Variants in YWHAE observed in about 807,000 individuals in gnomAD.
The protein encoded by YWHAE is 14-3-3 protein epsilon.
YWHAE carries 4 observed loss-of-function variants against 30.1 expected under a neutral mutation model. The ratio of observed to expected loss-of-function variants is 0.13; its 90% confidence interval spans 0.07 to 0.30. The LOEUF (loss-of-function observed/expected upper bound fraction) is 0.30. YWHAE is among the 10% of genes least tolerant of loss of function. The probability of loss-of-function intolerance (pLI) is 1.00; values close to 1 mark genes in which losing one functional copy is unlikely to be tolerated. For synonymous variants in YWHAE, 118 were observed against 111.8 expected (o/e 1.06, Z -0.35); for missense variants, 121 against 315.9 (o/e 0.38, Z 4.68).
intron 1 of YWHAE, among the ~76,000 whole-genome samples, chr17:1,384,136 G>A (rs1415636486): frequency 2.0e-5 from 3 of 152,144 alleles, no homozygotes; most frequent in Non-Finnish European, 2.9e-5. Flanking sequence ...CCCAGGAGGC[G>A]AAAGCTGCAG....
At chr17:1,370,957 C>T (rs1001788503) in intron 1 of YWHAE, among the ~76,000 whole-genome samples, 1 of 151,958 alleles carries the variant, frequency 6.6e-6, no homozygotes, top group Admixed American at 6.6e-5. Context: ...TGAGATAGTG[C>T]CACTGCACTC....
At chr17:1,365,886 T>C (rs2072934340) in intron 1 of YWHAE, among the ~76,000 whole-genome samples, 1 of 152,028 alleles carries the variant, frequency 6.6e-6, no homozygotes, top group Non-Finnish European at 1.5e-5. Context: ...GGCAGGAGAA[T>C]CACTCGAGCT....
intron 5 of YWHAE, among the ~76,000 whole-genome samples, chr17:1,353,299 G>C (rs1016511903): frequency 1.3e-5 from 2 of 151,850 alleles, no homozygotes; most frequent in Admixed American, 1.3e-4. Context: ...CTAGCCAGGC[G>C]TGGTGGCAGG....
chr17:1,374,575 G>A (rs2073095860), intron 1 of YWHAE, among the ~76,000 whole-genome samples: 1 of 152,010 alleles, frequency 6.6e-6, no homozygotes, highest in East Asian at 1.9e-4. Context: ...TTCTAATCTG[G>A]CCACGTCCTC....
In YWHAE at chr17:1,354,974, T is replaced by TG. The variant is rs1467956362; in HGVS notation, c.579-628_579-627insC. ...ACCGCGCCCAGCCTAGTTTTTTTTTTTTTTTTTTTTTTTTTTTTTTTTTAA... is the reference window on the plus strand; with the variant it reads ...ACCGCGCCCAGCCTAGTTTTTTTTTTGTTTTTTTTTTTTTTTTTTTTTTTAA... On this transcript the variant is annotated intron_variant, in intron 4 of 5. Coordinates refer to ENST00000264335, the MANE Select transcript of YWHAE (RefSeq NM_006761.5). 2.3e-4 allele frequency among the ~76,000 whole-genome samples: 16 copies of TG among 69,802 alleles called. No individual in the cohort carries two copies. In the East Asian group the frequency reaches 2.4e-3, roughly 10 times the overall value. 45.8% of individuals were successfully genotyped at this position (69,802 alleles called of 152,430 possible).
intron 1 of YWHAE, among the ~76,000 whole-genome samples, chr17:1,371,945 TCTC>T (rs1003448337): frequency 6.6e-6 from 1 of 151,578 alleles, no homozygotes; most frequent in African/African-American, 2.4e-5. Flanking sequence ...CTGAAGCGAT[TCTC>T]CTGCCTCAAC....
At chr17:1,397,532 C>A (rs2073492847) in intron 1 of YWHAE, among the ~76,000 whole-genome samples, 2 of 152,070 alleles carry the variant, frequency 1.3e-5, no homozygotes, top group Non-Finnish European at 2.9e-5. Context: ...TTCAACACAG[C>A]AAGCAAAATA....
At chr17:1,369,701 G>A (rs1026415929) in intron 1 of YWHAE, 28 of 151,914 alleles carry the variant, frequency 1.8e-4, no homozygotes, top group African/African-American at 5.1e-4. Context: ...TTTCAGGTGC[G>A]GGCATACCTT....
intron 4 of YWHAE, among the ~76,000 whole-genome samples, chr17:1,355,152 T>C (rs1176046382): frequency 3.7e-4 from 7 of 18,690 alleles, no homozygotes; most frequent in Non-Finnish European, 6.5e-4. Context: ...AAAAAAATTT[T>C]TTTTTTTTTT....
chr17:1,370,049 G>A (rs2073006694), intron 1 of YWHAE, among the ~76,000 whole-genome samples: 1 of 151,832 alleles, frequency 6.6e-6, no homozygotes, highest in Admixed American at 6.6e-5. Flanking sequence ...CATGTTGATG[G>A]GCTTTTCCTT....
chr17:1,381,175 A>G (rs2073200086), intron 1 of YWHAE, among the ~76,000 whole-genome samples: 1 of 152,146 alleles, frequency 6.6e-6, no homozygotes, highest in Non-Finnish European at 1.5e-5. Flanking sequence ...GTCAGGAGTT[A>G]CAGACTGGCC....
intron 1 of YWHAE, among the ~76,000 whole-genome samples, chr17:1,372,271 G>A (rs977809375): frequency 1.3e-5 from 2 of 152,300 alleles, no homozygotes; most frequent in African/African-American, 4.8e-5. Context: ...AGAGTTAGAG[G>A]GTTGGTCTGA....
At chr17:1,354,983 T>TTTG (rs2072707139) in intron 4 of YWHAE, among the ~76,000 whole-genome samples, 5 of 95,026 alleles carry the variant, frequency 5.3e-5, no homozygotes, top group Non-Finnish European at 8.3e-5. Flanking sequence ...TTTTTTTTTT[T>TTTG]TTTTTTTTTT....
chr17:1,359,813 TGTGTG>T (rs2072826150), intron 4 of YWHAE, among the ~76,000 whole-genome samples: 1 of 5,450 alleles, frequency 1.8e-4, no homozygotes, highest in South Asian at 6.4e-3. Flanking sequence ...ACTAAATTGT[TGTGTG>T]TGTGTGTGTG....
intron 4 of YWHAE, among the ~76,000 whole-genome samples, chr17:1,356,697 G>A (rs974776686): frequency 4.0e-5 from 6 of 151,786 alleles, no homozygotes; most frequent in Admixed American, 6.6e-5. Context: ...AGTGGCTCAC[G>A]CCTGTAATCC....
chr17:1,365,646 G>A (rs181436810), intron 1 of YWHAE, among the ~76,000 whole-genome samples: 3 of 152,090 alleles, frequency 2.0e-5, no homozygotes, highest in Non-Finnish European at 4.4e-5. Flanking sequence ...AAAAGCCTTG[G>A]CATCTACCGC....
chr17:1,385,924 G>A (rs895540268), intron 1 of YWHAE, among the ~76,000 whole-genome samples: 1 of 151,770 alleles, frequency 6.6e-6, no homozygotes, highest in Admixed American at 6.6e-5. Flanking sequence ...AAAAAAGGGG[G>A]AAAAAAAGAA....
At chr17:1,398,738 G>A (rs948242841) in intron 1 of YWHAE, 3 of 152,094 alleles carry the variant, frequency 2.0e-5, no homozygotes, top group African/African-American at 7.2e-5. Context: ...TCCAAAAGGT[G>A]GACTGGGAGA....
intron 1 of YWHAE, among the ~76,000 whole-genome samples, chr17:1,366,089 G>A (rs745769040): frequency 3.3e-5 from 5 of 151,758 alleles, no homozygotes; most frequent in South Asian, 4.1e-4. Context: ...GGTGATGCAC[G>A]CCTGTAGTCC....
Sources: gnomAD v4.1 joint callset for allele counts (sites outside exome capture counted in the v4.1 genomes callset) on GRCh38, gnomAD v4.1.1 for gene constraint, MANE v1.5 for transcripts, NCBI Gene and HGNC (gene_info 2026-07-23, HGNC 2026-07-21) for gene names.